The following BLOC1S2 variants were observed in gnomAD, a reference collection of about 807,000 sequenced individuals.
BLOC1S2 encodes biogenesis of lysosome-related organelles complex 1 subunit 2.
In BLOC1S2, 12 loss-of-function variants were observed where a neutral mutation model predicts 19.6. That is an observed-to-expected ratio of 0.61 (90% CI 0.39 to 0.99). The LOEUF (loss-of-function observed/expected upper bound fraction) is 0.99, where lower values mean the gene tolerates loss of function less well. BLOC1S2 is among the 50% of genes least tolerant of loss of function. BLOC1S2 has a pLI of 0.00. For synonymous variants in BLOC1S2, 66 were observed against 64.1 expected (o/e 1.03, Z -0.14); for missense variants, 142 against 171.0 (o/e 0.83, Z 0.95).
chr10:100,285,416 C>G (rs1473450132), intron 2 of BLOC1S2, among the ~76,000 whole-genome samples: 1 of 152,186 alleles, frequency 6.6e-6, no homozygotes, highest in African/African-American at 2.4e-5. Flanking sequence ...CGCCCGCCAC[C>G]ACGGCCGGCT....
intron 2 of BLOC1S2, among the ~76,000 whole-genome samples, chr10:100,281,709 C>A (rs561658273): frequency 7.8e-6 from 1 of 128,850 alleles, no homozygotes; most frequent in Admixed American, 7.8e-5. Context: ...TATATATACA[C>A]ATACACACAC....
chr10:100,284,970 A>C (rs1244961727), intron 2 of BLOC1S2, among the ~76,000 whole-genome samples: 3 of 152,044 alleles, frequency 2.0e-5, no homozygotes, highest in Non-Finnish European at 2.9e-5. Flanking sequence ...TGGGGTTTTA[A>C]GCCTGGGTGG....
At chr10:100,277,839 G>A (rs1331017195) in intron 4 of BLOC1S2, among the ~76,000 whole-genome samples, 20 of 103,770 alleles carry the variant, frequency 1.9e-4, no homozygotes, top group South Asian at 1.3e-3. Context: ...AGGTGGGGGA[G>A]TCAGCCCCCC....
chr10:100,277,045 C>T (rs1380040283), intron 4 of BLOC1S2, among the ~76,000 whole-genome samples: 1 of 149,176 alleles, frequency 6.7e-6, no homozygotes. Flanking sequence ...CGCCATCCCA[C>T]CTGGGAAGTG....
At chr10:100,280,260 A>G (rs754269774) in intron 3 of BLOC1S2, 32 bp from the exon 4 acceptor site, 4 of 1,549,816 alleles carry the variant, frequency 2.6e-6, no homozygotes, top group Admixed American at 3.6e-5. Context: ...TCATGTTTAT[A>G]TGGCTTTATT....
chr10:100,286,678 T>G lies in BLOC1S2; in HGVS notation c.-19A>C. On this transcript the variant is annotated 5_prime_UTR_variant, in exon 1 of 5. Coordinates refer to ENST00000370372, the MANE Select transcript of BLOC1S2 (RefSeq NM_173809.5). ...CCGCCATAGCGGACCCCGCGCTGTT[T>G]CCGGGCCGGGGTGCTGCGCATGCGC... 6.2e-7 allele frequency: 1 copy of G among 1,607,134 alleles called. No individual in the cohort carries two copies. The highest frequency in any genetic ancestry group is 8.5e-7 in the Non-Finnish European group (1 of 1,176,942).
At chr10:100,278,198 G>A (rs1259190731) in intron 4 of BLOC1S2, among the ~76,000 whole-genome samples, 9 of 149,450 alleles carry the variant, frequency 6.0e-5, no homozygotes, top group Non-Finnish European at 3.0e-5. Flanking sequence ...CGCCCCGTCC[G>A]GGAGGGAGGT....
chr10:100,277,305 G>A (rs1475298111), intron 4 of BLOC1S2, among the ~76,000 whole-genome samples: 46 of 151,700 alleles, frequency 3.0e-4, no homozygotes, highest in Admixed American at 6.5e-4. Flanking sequence ...GTCTCCGCCC[G>A]GCAGCCACCC....
chr10:100,281,118 T>C, intron 2 of BLOC1S2, 65 bp from the exon 3 acceptor site: 3 of 1,581,372 alleles, frequency 1.9e-6, no homozygotes, highest in Non-Finnish European at 2.6e-6. Context: ...AATGTGGGAG[T>C]ATAAGCTAAG....
At chr10:100,281,135 T>C in intron 2 of BLOC1S2, 82 bp from the exon 3 acceptor site, 1 of 1,537,632 alleles carries the variant, frequency 6.5e-7, no homozygotes, top group Non-Finnish European at 8.9e-7. Flanking sequence ...TAAGTGGTAG[T>C]TCAAGGCAGG....
At chr10:100,278,215 G>C (rs1847992172) in intron 4 of BLOC1S2, among the ~76,000 whole-genome samples, 4 of 145,298 alleles carry the variant, frequency 2.8e-5, no homozygotes, top group Admixed American at 6.8e-5. Flanking sequence ...AGGTGGGGGG[G>C]TCAGCCCCCC....
At chr10:100,286,455 T>C (rs546907090) in intron 1 of BLOC1S2, 150 bp downstream of exon 1, 17 of 1,483,176 alleles carry the variant, frequency 1.1e-5, no homozygotes, top group Non-Finnish European at 1.4e-5. Flanking sequence ...CCAGTCACCC[T>C]GACAGGACAA....
At chr10:100,276,316 C>T (rs1383246096) in intron 4 of BLOC1S2, among the ~76,000 whole-genome samples, 4 of 66,282 alleles carry the variant, frequency 6.0e-5, no homozygotes, top group African/African-American at 1.5e-4. Flanking sequence ...CTCCCTCTCC[C>T]GTCTCCCTCT....
chr10:100,278,146 T>A (rs2134355482), intron 4 of BLOC1S2, among the ~76,000 whole-genome samples: 1 of 129,716 alleles, frequency 7.7e-6, no homozygotes, highest in East Asian at 2.6e-4. Context: ...AGCCACCCCG[T>A]CTGGGAGGGA....
chr10:100,279,790 G>A (rs1016606613), intron 4 of BLOC1S2, among the ~76,000 whole-genome samples: 5 of 152,122 alleles, frequency 3.3e-5, no homozygotes, highest in South Asian at 2.1e-4. Flanking sequence ...CAGGAGAATC[G>A]CTTGAACCCA....
chr10:100,281,711 T>TACACACACAC (rs71013439), intron 2 of BLOC1S2, among the ~76,000 whole-genome samples: 24,185 of 131,880 alleles, frequency 0.18, 2,689 homozygotes, highest in Non-Finnish European at 0.27. Context: ...TATATACACA[T>TACACACACAC]ACACACACAC....
At chr10:100,279,156 T>TAAGAGCCA (rs1234706577) in intron 4 of BLOC1S2, among the ~76,000 whole-genome samples, 4 of 152,088 alleles carry the variant, frequency 2.6e-5, no homozygotes, top group South Asian at 2.1e-4. Context: ...ACCATGTATG[T>TAAGAGCCA]AAGAGCCAGA....
rs897474414 is a variant in BLOC1S2 at position 100,283,743 on chromosome 10, C to T, written c.172+2354G>A. On this transcript the variant is annotated intron_variant, in intron 2 of 4. Transcript: ENST00000370372. ...AATAAAAATTAGCCAGGCGTGGTGG[C>T]GTGTGCTTGTAATCCCAGCTACTTT... Among the ~76,000 whole-genome samples, 8 of 152,048 alleles carry T rather than the reference C, an allele frequency of 5.3e-5. No individual in the cohort carries two copies. The East Asian group carries it at 1.5e-3, about 29-fold the overall frequency.
intron 2 of BLOC1S2, among the ~76,000 whole-genome samples, chr10:100,282,482 C>T (rs1371169126): frequency 2.0e-5 from 3 of 152,194 alleles, no homozygotes; most frequent in African/African-American, 4.8e-5. Context: ...ATCTCCTTCT[C>T]TTTGGGAAAT....
Sources: allele counts gnomAD v4.1 joint callset (sites outside exome capture counted in the v4.1 genomes callset), GRCh38; gene constraint gnomAD v4.1.1; transcripts MANE v1.5; gene names NCBI Gene and HGNC (gene_info 2026-07-23, HGNC 2026-07-21).